MARCHF8: variants seen among roughly 807,000 people sequenced by gnomAD.
MARCHF8 encodes the protein E3 ubiquitin-protein ligase MARCHF8.
Under a neutral mutation model 51.6 loss-of-function variants are expected in MARCHF8, and 40 were observed. The observed-to-expected ratio is 0.77, with a 90% CI of 0.60 to 1.01. The LOEUF is 1.01. Among genes scored for constraint, MARCHF8 ranks in the 50% least tolerant of loss-of-function variants. MARCHF8 has a pLI of 0.00. For synonymous variants in MARCHF8, 263 were observed against 280.3 expected (o/e 0.94, Z 0.62); for missense variants, 685 against 708.6 (o/e 0.97, Z 0.38).
intron 1 of MARCHF8, among the ~76,000 whole-genome samples, chr10:45,560,525 G>A (rs915675807): frequency 5.9e-5 from 9 of 152,130 alleles, no homozygotes; most frequent in African/African-American, 1.7e-4. Flanking sequence ...CATTAAATCC[G>A]TGCTGAATAA....
At chr10:45,516,959 AT>A (rs1427692155) in intron 2 of MARCHF8, among the ~76,000 whole-genome samples, 1 of 152,200 alleles carries the variant, frequency 6.6e-6, no homozygotes, top group African/African-American at 2.4e-5. Flanking sequence ...CTCTGCTAAA[AT>A]ATATGTATGT....
chr10:45,534,044 A>G (rs1179542379), intron 1 of MARCHF8, among the ~76,000 whole-genome samples: 1 of 152,102 alleles, frequency 6.6e-6, no homozygotes, highest in Admixed American at 6.5e-5. Flanking sequence ...TTAGCCAGGC[A>G]TGGTGGCGGG....
intron 1 of MARCHF8, among the ~76,000 whole-genome samples, chr10:45,568,207 C>T (rs938469624): frequency 6.6e-6 from 1 of 152,108 alleles, no homozygotes; most frequent in Non-Finnish European, 1.5e-5. Flanking sequence ...AAAATTACAC[C>T]ATCTGTAAAC....
chr10:45,585,572 T>C (rs560013939), intron 1 of MARCHF8, among the ~76,000 whole-genome samples: 2 of 152,118 alleles, frequency 1.3e-5, no homozygotes, highest in Non-Finnish European at 2.9e-5. Flanking sequence ...ACTATAGCAA[T>C]GAAATAATAA....
exon 1 of MARCHF8, chr10:45,594,514 G>A (rs1435319719): frequency 6.6e-6 from 1 of 152,262 alleles, no homozygotes; most frequent in Non-Finnish European, 1.5e-5. Flanking sequence ...CACCGGGGCA[G>A]AGAGACCCAC....
At chr10:45,573,512 C>T (rs1164546410) in intron 1 of MARCHF8, among the ~76,000 whole-genome samples, 1 of 152,156 alleles carries the variant, frequency 6.6e-6, no homozygotes, top group Non-Finnish European at 1.5e-5. Context: ...GGCCACTGGG[C>T]GAAGGAATGC....
intron 3 of MARCHF8, among the ~76,000 whole-genome samples, chr10:45,484,504 G>C (rs1251658630): frequency 6.6e-6 from 1 of 152,164 alleles, no homozygotes; most frequent in Non-Finnish European, 1.5e-5. Context: ...CAAGCACCCA[G>C]TCAATTAAAC....
intron 2 of MARCHF8, among the ~76,000 whole-genome samples, chr10:45,531,864 A>C (rs929013858): frequency 8.5e-5 from 13 of 152,186 alleles, no homozygotes; most frequent in Non-Finnish European, 1.6e-4. Context: ...TTTGGGTTGA[A>C]CCTGTGCCAG....
At chr10:45,526,951 T>C (rs1282298883) in intron 2 of MARCHF8, among the ~76,000 whole-genome samples, 1 of 152,104 alleles carries the variant, frequency 6.6e-6, no homozygotes, top group Non-Finnish European at 1.5e-5. Context: ...GGAAAAAACC[T>C]AAAGTCAATT....
chr10:45,533,244 AAG>A lies in MARCHF8; in HGVS notation c.-35_-34del, dbSNP rs776534447. ...TCTTATCTGGTCGTCTTCTTCACAG[AAG>A]AGAGTCTCCACTGGTAGAGTCATTT... On this transcript the variant is annotated 5_prime_UTR_variant, in exon 2 of 8. An upstream open reading frame in the 5' UTR loses its in-frame stop. Transcript: ENST00000453424. 9.5e-6 allele frequency: 15 copies of A among 1,585,622 alleles called. No individual in the cohort carries two copies. In the East Asian group the frequency reaches 1.8e-4, roughly 19 times the overall value.
At chr10:45,561,079 C>A (rs2044305229) in intron 1 of MARCHF8, among the ~76,000 whole-genome samples, 1 of 152,032 alleles carries the variant, frequency 6.6e-6, no homozygotes, top group Non-Finnish European at 1.5e-5. Flanking sequence ...GATGGCAGGG[C>A]ACCTGTCTAG....
chr10:45,556,430 G>A (rs986171788), intron 1 of MARCHF8, among the ~76,000 whole-genome samples: 1 of 152,202 alleles, frequency 6.6e-6, no homozygotes, highest in East Asian at 1.9e-4. Flanking sequence ...AAAATGGACT[G>A]GGAGAGGGAT....
intron 1 of MARCHF8, among the ~76,000 whole-genome samples, chr10:45,566,840 A>C (rs984448566): frequency 3.9e-5 from 6 of 151,976 alleles, no homozygotes. Context: ...GTCAATTTTT[A>C]GTTTTTTGAG....
chr10:45,474,983 C>A (rs374747980), intron 3 of MARCHF8, among the ~76,000 whole-genome samples: 1 of 152,210 alleles, frequency 6.6e-6, no homozygotes, highest in African/African-American at 2.4e-5. Flanking sequence ...GTCCCACACA[C>A]CCCTGGAGTC....
intron 3 of MARCHF8, among the ~76,000 whole-genome samples, chr10:45,483,298 A>C (rs1189610636): frequency 6.6e-6 from 1 of 152,218 alleles, no homozygotes; most frequent in Non-Finnish European, 1.5e-5. Context: ...TTAAAAACAC[A>C]AACAATCCCA....
intron 7 of MARCHF8, 99 bp from the exon 8 acceptor site, chr10:45,458,642 T>C: frequency 7.8e-7 from 1 of 1,280,880 alleles, no homozygotes; most frequent in Non-Finnish European, 1.1e-6. Context: ...TTCTTTGTTG[T>C]TGTTGTTGTT....
chr10:45,576,718 A>T (rs928370791), intron 1 of MARCHF8, among the ~76,000 whole-genome samples: 1 of 151,668 alleles, frequency 6.6e-6, no homozygotes, highest in African/African-American at 2.4e-5. Context: ...GCTCAGGAAT[A>T]CAAAACTAGC....
chr10:45,472,578 A>G (rs1213900430), intron 3 of MARCHF8, among the ~76,000 whole-genome samples: 1 of 152,248 alleles, frequency 6.6e-6, no homozygotes, highest in Middle Eastern at 3.2e-3. Flanking sequence ...CAGCTAAGGA[A>G]GATGCTATCC....
At chr10:45,484,298 T>C (rs986888283) in intron 3 of MARCHF8, among the ~76,000 whole-genome samples, 5 of 152,176 alleles carry the variant, frequency 3.3e-5, no homozygotes, top group Admixed American at 3.3e-4. Flanking sequence ...GGGAAGTACA[T>C]AGGGTGAGGA....
Sources: allele counts gnomAD v4.1 joint callset (sites outside exome capture counted in the v4.1 genomes callset), GRCh38; gene constraint gnomAD v4.1.1; transcripts MANE v1.5; gene names NCBI Gene and HGNC (gene_info 2026-07-23, HGNC 2026-07-21).